GPC6: variants seen among roughly 807,000 people sequenced by gnomAD.
GPC6 encodes the protein glypican 6.
In GPC6, 14 loss-of-function variants were observed where a neutral mutation model predicts 55.2. The ratio of observed to expected loss-of-function variants is 0.25; its 90% confidence interval spans 0.17 to 0.40. The LOEUF (loss-of-function observed/expected upper bound fraction) is 0.40, where lower values mean the gene tolerates loss of function less well. Ranked by LOEUF, GPC6 falls within the 10% of genes least tolerant of loss-of-function variation. The pLI, the probability that GPC6 is intolerant of heterozygous loss-of-function variation, is 1.00. For synonymous variants in GPC6, 278 were observed against 259.6 expected (o/e 1.07, Z -0.68); for missense variants, 641 against 708.5 (o/e 0.90, Z 1.08).
At chr13:93,809,084 T>C (rs1019207486) in intron 2 of GPC6, among the ~76,000 whole-genome samples, 6 of 152,122 alleles carry the variant, frequency 3.9e-5, no homozygotes, top group African/African-American at 1.2e-4. Flanking sequence ...GAACAACAGA[T>C]TGTATTGATT....
At chr13:93,623,322 C>T (rs182467853) in intron 2 of GPC6, among the ~76,000 whole-genome samples, 1 of 152,174 alleles carries the variant, frequency 6.6e-6, no homozygotes, top group South Asian at 2.1e-4. Flanking sequence ...ATGGTTATTT[C>T]ACTTTTTAAA....
At chr13:93,713,480 A>G (rs1454390675) in intron 2 of GPC6, among the ~76,000 whole-genome samples, 1 of 151,682 alleles carries the variant, frequency 6.6e-6, no homozygotes. Flanking sequence ...AACACGTACA[A>G]ATATATTTAT....
rs186161935 is a variant in GPC6, at chr13:93,744,608, C to A, written c.320-85546C>A. Among the ~76,000 whole-genome samples, 197 of 137,056 alleles carry A rather than the reference C, an allele frequency of 1.4e-3. 1 individual carries two copies. The highest frequency in any genetic ancestry group is 5.4e-3 in the African/African-American group (194 of 35,958). The allele number at this position is 137,056 out of a possible 152,430, so 89.9% of individuals were successfully genotyped here. ...AGTAAGAAAAATAGGGTGTTGTCAC[C>A]TCATCTGACATCAAGCACTGTCAAA... is the stretch of plus-strand genomic sequence containing the variant. On this transcript the variant is annotated intron_variant, in intron 2 of 8. Coordinates refer to ENST00000377047, the MANE Select transcript of GPC6 (RefSeq NM_005708.5).
intron 3 of GPC6, among the ~76,000 whole-genome samples, chr13:93,980,115 T>G (rs148716984): frequency 6.6e-6 from 1 of 152,180 alleles, no homozygotes; most frequent in Non-Finnish European, 1.5e-5. Flanking sequence ...CTGAGAATAT[T>G]ACTACAACAC....
intron 2 of GPC6, among the ~76,000 whole-genome samples, chr13:93,586,593 C>T (rs78201998): frequency 6.6e-6 from 1 of 152,164 alleles, no homozygotes; most frequent in African/African-American, 2.4e-5. Context: ...CCCTTCCTTA[C>T]ACCATATGCA....
At chr13:93,336,852 A>G (rs1880062789) in intron 1 of GPC6, among the ~76,000 whole-genome samples, 1 of 152,038 alleles carries the variant, frequency 6.6e-6, no homozygotes, top group Non-Finnish European at 1.5e-5. Flanking sequence ...GTATGAAACA[A>G]TTTCAGCACC....
At chr13:93,338,459 T>C (rs959613287) in intron 1 of GPC6, among the ~76,000 whole-genome samples, 16 of 152,072 alleles carry the variant, frequency 1.1e-4, no homozygotes, top group African/African-American at 3.9e-4. Context: ...CTCTGACCCA[T>C]TTCCAGTAGA....
intron 2 of GPC6, among the ~76,000 whole-genome samples, chr13:93,789,595 C>CTATATA (rs1885941957): frequency 3.7e-5 from 2 of 54,202 alleles, no homozygotes; most frequent in Non-Finnish European, 7.1e-5. Flanking sequence ...ATATATAATA[C>CTATATA]TACATATATA....
At chr13:93,582,898 A>C (rs763613494) in intron 2 of GPC6, among the ~76,000 whole-genome samples, 2 of 152,218 alleles carry the variant, frequency 1.3e-5, no homozygotes, top group Non-Finnish European at 2.9e-5. Flanking sequence ...ACCTAGAGAC[A>C]GTTGTGCAGT....
intron 6 of GPC6, among the ~76,000 whole-genome samples, chr13:94,336,507 T>C (rs1006016426): frequency 7.2e-5 from 11 of 152,156 alleles, no homozygotes; most frequent in African/African-American, 2.7e-4. Context: ...CTTCTCAGTA[T>C]GAAAATGCAG....
chr13:94,292,629 G>T (rs1289506764), intron 5 of GPC6, among the ~76,000 whole-genome samples: 4 of 151,462 alleles, frequency 2.6e-5, no homozygotes, highest in Non-Finnish European at 5.9e-5. Flanking sequence ...TATCTCTTAT[G>T]TATCTCTCTT....
chr13:94,186,059 C>CAAAA (rs776003680), intron 4 of GPC6, among the ~76,000 whole-genome samples: 5,451 of 63,578 alleles, frequency 0.086, 749 homozygotes, highest in South Asian at 0.21. Context: ...GACTCCGTCT[C>CAAAA]CAAAAAAAAA....
At chr13:94,132,998 A>G (rs1201971425) in intron 4 of GPC6, among the ~76,000 whole-genome samples, 2 of 152,144 alleles carry the variant, frequency 1.3e-5, no homozygotes, top group African/African-American at 4.8e-5. Context: ...ATGTTCCTGT[A>G]TGGCCATTGT....
At chr13:94,398,002 C>T (rs1880966049) in intron 7 of GPC6, among the ~76,000 whole-genome samples, 1 of 152,104 alleles carries the variant, frequency 6.6e-6, no homozygotes, top group Non-Finnish European at 1.5e-5. Context: ...TTTTACTTGG[C>T]ACTTCTCTTG....
At chr13:93,640,831 T>TTC (rs1879902106) in intron 2 of GPC6, among the ~76,000 whole-genome samples, 3 of 36,674 alleles carry the variant, frequency 8.2e-5, no homozygotes, top group African/African-American at 1.6e-4. Context: ...TTCCTTCCTT[T>TTC]GTTCCTTCCT....
At chr13:94,117,426 A>G (rs1043417003) in intron 4 of GPC6, among the ~76,000 whole-genome samples, 5 of 152,142 alleles carry the variant, frequency 3.3e-5, no homozygotes, top group African/African-American at 1.2e-4. Flanking sequence ...TGAAGAAGAA[A>G]TGTCACTCGG....
Position 93,923,332 on chromosome 13 carries a change from G to T in GPC6, c.711+92787G>T, listed in dbSNP as rs183536805. Among the ~76,000 whole-genome samples, 349 of 152,278 alleles carry T rather than the reference G, an allele frequency of 2.3e-3. 2 individuals carry two copies. The highest frequency in any genetic ancestry group is 7.6e-3 in the African/African-American group (316 of 41,546). On this transcript the variant is annotated intron_variant, in intron 3 of 8. Transcript: ENST00000377047. ...AAAGGCAGTAATTGTTCGGGGAAAA[G>T]GGCAGCTGTTTCCTCCTCATATCCA...
chr13:93,330,397 A>G (rs980997889), intron 1 of GPC6, among the ~76,000 whole-genome samples: 38 of 152,184 alleles, frequency 2.5e-4, no homozygotes, highest in African/African-American at 7.2e-4. Context: ...GTAGTGTGGT[A>G]TGTGCCTGTA....
intron 1 of GPC6, among the ~76,000 whole-genome samples, chr13:93,256,972 T>C (rs1234082678): frequency 6.6e-6 from 1 of 152,122 alleles, no homozygotes; most frequent in Non-Finnish European, 1.5e-5. Flanking sequence ...TAGAAAGATA[T>C]CTTCCTTGCC....
Sources: allele counts gnomAD v4.1 joint callset (sites outside exome capture counted in the v4.1 genomes callset), GRCh38; gene constraint gnomAD v4.1.1; transcripts MANE v1.5; gene names NCBI Gene and HGNC (gene_info 2026-07-23, HGNC 2026-07-21).